Variants in COPS4 observed in about 807,000 individuals in gnomAD.
COPS4 encodes COP9 signalosome complex subunit 4.
Under a neutral mutation model 55.1 loss-of-function variants are expected in COPS4, and 8 were observed. The observed-to-expected ratio is 0.15, with a 90% confidence interval of 0.09 to 0.26. The LOEUF (loss-of-function observed/expected upper bound fraction) is 0.26. Among genes scored for constraint, COPS4 ranks in the 10% least tolerant of loss-of-function variants. The pLI, the probability that COPS4 is intolerant of heterozygous loss-of-function variation, is 1.00. For missense variants in COPS4, 248 were observed against 484.0 expected (o/e 0.51, Z 4.58); for synonymous variants, 185 against 165.7 (o/e 1.12, Z -0.90).
At chr4:83,043,518 CAAAAAAA>C (rs34480105) in intron 1 of COPS4, among the ~76,000 whole-genome samples, 4 of 17,676 alleles carry the variant, frequency 2.3e-4, no homozygotes, top group Non-Finnish European at 3.6e-4. Context: ...GACCCTGTCT[CAAAAAAA>C]AAAAAAAAAA....
intron 2 of COPS4, among the ~76,000 whole-genome samples, chr4:83,048,808 ATT>A (rs1156883909): frequency 6.7e-5 from 10 of 148,332 alleles, no homozygotes; most frequent in Non-Finnish European, 1.0e-4. Flanking sequence ...TGCCTGACTA[ATT>A]TTTTTTTTGT....
At chr4:83,042,914 ATT>A (rs761199795) in intron 1 of COPS4, among the ~76,000 whole-genome samples, 20 of 133,240 alleles carry the variant, frequency 1.5e-4, no homozygotes, top group Admixed American at 1.5e-4. Flanking sequence ...CAATTTTTGT[ATT>A]TTTTTTTTTT....
At chr4:83,055,207 A>G (rs1730984983) in intron 4 of COPS4, among the ~76,000 whole-genome samples, 1 of 152,192 alleles carries the variant, frequency 6.6e-6, no homozygotes, top group African/African-American at 2.4e-5. Flanking sequence ...ATCTTGTTTC[A>G]TGTGAGTTTT....
chr4:83,039,542 CT>C (rs912158867), intron 1 of COPS4, among the ~76,000 whole-genome samples: 1 of 152,144 alleles, frequency 6.6e-6, no homozygotes, highest in African/African-American at 2.4e-5. Flanking sequence ...TTTGTAAGCA[CT>C]CTGTCACATT....
intron 9 of COPS4, among the ~76,000 whole-genome samples, chr4:83,074,980 G>C (rs1470708601): frequency 6.6e-6 from 1 of 151,834 alleles, no homozygotes. Flanking sequence ...AATTAGTCAC[G>C]GTGGCAGGTG....
At chr4:83,038,980 G>C (rs1463932739) in intron 1 of COPS4, among the ~76,000 whole-genome samples, 1 of 152,110 alleles carries the variant, frequency 6.6e-6, no homozygotes, top group Non-Finnish European at 1.5e-5. Flanking sequence ...CTTTAATTTT[G>C]TGTAGCTTCA....
intron 8 of COPS4, 91 bp from the exon 9 acceptor site, chr4:83,068,347 T>C: frequency 3.8e-6 from 3 of 795,058 alleles, no homozygotes; most frequent in Non-Finnish European, 4.3e-6. Context: ...TTAGTGATGG[T>C]AGTTAAACCA....
chr4:83,060,176 T>C (rs1332721542), intron 6 of COPS4, among the ~76,000 whole-genome samples: 1 of 146,924 alleles, frequency 6.8e-6, no homozygotes, highest in East Asian at 2.1e-4. Context: ...ACTTGACAGA[T>C]GGTATAGTTC....
intron 4 of COPS4, among the ~76,000 whole-genome samples, chr4:83,054,693 T>G (rs1235138603): frequency 6.6e-6 from 1 of 152,240 alleles, no homozygotes; most frequent in Non-Finnish European, 1.5e-5. Context: ...TGATTTATTT[T>G]CAGTGGTAGC....
chr4:83,067,064 ATT>A (rs545272975), intron 8 of COPS4, among the ~76,000 whole-genome samples: 143 of 151,586 alleles, frequency 9.4e-4, no homozygotes, highest in African/African-American at 3.3e-3. Context: ...CTGTTTATTT[ATT>A]TTATTTTTTT....
chr4:83,043,750 C>T (rs1578704206), intron 1 of COPS4, among the ~76,000 whole-genome samples: 1 of 151,968 alleles, frequency 6.6e-6, no homozygotes, highest in Non-Finnish European at 1.5e-5. Context: ...TGAAAGCATG[C>T]CCAGGGCCAT....
At chr4:83,038,351 A>G (rs1329041298) in intron 1 of COPS4, among the ~76,000 whole-genome samples, 1 of 152,252 alleles carries the variant, frequency 6.6e-6, no homozygotes, top group African/African-American at 2.4e-5. Context: ...CAAAGTACAG[A>G]GTTGAAATAC....
At position 83,035,288 on chromosome 4, in the gene COPS4, C is replaced by T; in HGVS notation, c.64C>T (p.Leu22=). The change falls in exon 1 of 10, where the codon CTG becomes TTG. Residue 22 remains leucine, a synonymous_variant. Transcript: ENST00000264389. ...GAATTCGAGCGGCTCTCATAAAGATCTGGCTGGCAAGTGAGTATTTCCCAG... is the reference window on the plus strand; with the variant it reads ...GAATTCGAGCGGCTCTCATAAAGATTTGGCTGGCAAGTGAGTATTTCCCAG... ...LMNSSGSHKD[L]AGKYRQILEK... is the part of the protein sequence containing the mutation. 1.9e-6 allele frequency: 3 copies of T among 1,561,986 alleles called. 1 individual carries two copies. The South Asian group carries it at 3.3e-5, about 17-fold the overall frequency.
intron 1 of COPS4, among the ~76,000 whole-genome samples, chr4:83,040,734 TC>T (rs780738326): frequency 1.8e-4 from 27 of 150,204 alleles, no homozygotes; most frequent in Middle Eastern, 3.4e-3. Flanking sequence ...ATTTTTTTTT[TC>T]ATTTCTTTCA....
chr4:83,067,316 A>G (rs760395329), intron 8 of COPS4, among the ~76,000 whole-genome samples: 24 of 150,816 alleles, frequency 1.6e-4, no homozygotes, highest in Admixed American at 6.7e-4. Flanking sequence ...ATCTCGGTTC[A>G]CTGCAACCTC....
intron 8 of COPS4, among the ~76,000 whole-genome samples, chr4:83,066,849 A>G (rs572392699): frequency 2.0e-5 from 3 of 152,286 alleles, no homozygotes; most frequent in Admixed American, 2.0e-4. Flanking sequence ...TATGACACCC[A>G]TTTTCTGAGA....
chr4:83,049,946 C>A lies in COPS4; in HGVS notation c.372C>A (p.Ala124=). 6.2e-7 allele frequency: 1 copy of A among 1,610,754 alleles called. No individual in the cohort carries two copies. Among genetic ancestry groups the A allele is most frequent in the Non-Finnish European group, 8.5e-7 (1 of 1,178,574 alleles). The part of the protein sequence containing the change: ...YEKEEDWRNA[A]QVLVGIPLET... Reference sequence around the variant, plus strand: ...AAGAAGAAGATTGGAGAAATGCAGCCCAAGTGTTGGTGGGAATTCCTTTGG... The same window carrying A: ...AAGAAGAAGATTGGAGAAATGCAGCACAAGTGTTGGTGGGAATTCCTTTGG... The change falls in exon 4 of 10, where the codon GCC becomes GCA. Residue 124 remains alanine (A), a synonymous_variant. Coordinates refer to ENST00000264389, the MANE Select transcript of COPS4 (RefSeq NM_016129.3).
chr4:83,074,110 CTT>C (rs1402477045), intron 9 of COPS4, among the ~76,000 whole-genome samples: 1 of 152,038 alleles, frequency 6.6e-6, no homozygotes, highest in African/African-American at 2.4e-5. Context: ...TTCAAGATGA[CTT>C]TTTTTGAGGG....
At chr4:83,062,442 T>G (rs1229406961) in intron 6 of COPS4, among the ~76,000 whole-genome samples, 12 of 152,358 alleles carry the variant, frequency 7.9e-5, no homozygotes, top group African/African-American at 2.9e-4. Context: ...GCACTTCCAC[T>G]GTCATTTGCA....
Sources: gnomAD v4.1 joint callset for allele counts (sites outside exome capture counted in the v4.1 genomes callset) on GRCh38, gnomAD v4.1.1 for gene constraint, MANE v1.5 for transcripts, NCBI Gene and HGNC (gene_info 2026-07-23, HGNC 2026-07-21) for gene names.